Variants in BTC observed in about 807,000 individuals in gnomAD.
BTC encodes the protein probetacellulin.
A neutral mutation model predicts 18.1 loss-of-function variants in BTC; 13 were observed. The ratio of observed to expected loss-of-function variants is 0.72; its 90% CI spans 0.47 to 1.14. BTC has a LOEUF of 1.14. BTC is among the 50% of genes most tolerant of loss of function. BTC has a pLI of 0.00. For synonymous variants in BTC, 83 were observed against 79.4 expected, an observed-to-expected ratio of 1.05 and a Z score of -0.24; for missense variants, 247 against 224.2, an observed-to-expected ratio of 1.10 and a Z score of -0.65.
intron 3 of BTC, among the ~76,000 whole-genome samples, chr4:74,752,986 C>A (rs782541895): frequency 6.6e-6 from 1 of 152,162 alleles, no homozygotes; most frequent in Non-Finnish European, 1.5e-5. Context: ...AAAGGTCAAA[C>A]CTTAACATAG....
chr4:74,777,580 T>C (rs76451415), intron 1 of BTC, among the ~76,000 whole-genome samples: 8,065 of 152,236 alleles, frequency 0.053, 342 homozygotes, highest in Admixed American at 0.12. Flanking sequence ...GACAAAACTA[T>C]ATTTTGGCCT....
intron 2 of BTC, among the ~76,000 whole-genome samples, chr4:74,762,143 A>C (rs1724775192): frequency 6.6e-6 from 1 of 152,160 alleles, no homozygotes; most frequent in African/African-American, 2.4e-5. Flanking sequence ...ATTTTTCAAG[A>C]ACCCACTGTT....
chr4:74,793,779 C>T (rs2109927345), intron 1 of BTC, among the ~76,000 whole-genome samples: 1 of 152,020 alleles, frequency 6.6e-6, no homozygotes, highest in East Asian at 1.9e-4. Flanking sequence ...GGTGATCACA[C>T]CTTCAGTCAA....
At chr4:74,780,367 T>A (rs1164225341) in intron 1 of BTC, among the ~76,000 whole-genome samples, 1 of 152,194 alleles carries the variant, frequency 6.6e-6, no homozygotes, top group Admixed American at 6.6e-5. Flanking sequence ...AGGTGTGTAT[T>A]CTTCGTTATG....
intron 1 of BTC, among the ~76,000 whole-genome samples, chr4:74,783,014 G>A (rs973376482): frequency 1.3e-5 from 2 of 152,046 alleles, no homozygotes. Flanking sequence ...TTGTCAGATT[G>A]ATAGATTGCA....
rs782738076 is a variant in BTC, at chr4:74,747,984, C to T, written c.*1+56G>A. ...TTTAGTAGATGCAAGTAAGCCCAAT[C>T]TAACCAGTTAAATGTCACCTGAATA... On this transcript the variant is annotated intron_variant, in intron 5 of 5. Transcript: ENST00000395743. 14 of 912,646 alleles carry T rather than the reference C, an allele frequency of 1.5e-5. No individual in the cohort carries two copies. In the East Asian group the frequency reaches 3.8e-4, roughly 25 times the overall value. The allele number at this position is 912,646 out of a possible 1,614,324, so 56.5% of individuals were successfully genotyped here.
intron 3 of BTC, among the ~76,000 whole-genome samples, chr4:74,754,835 T>A (rs936333522): frequency 6.6e-6 from 1 of 152,072 alleles, no homozygotes; most frequent in Admixed American, 6.6e-5. Context: ...ATTAGGGAAA[T>A]GTATTGGGTT....
intron 1 of BTC, among the ~76,000 whole-genome samples, chr4:74,781,379 C>T (rs1032605243): frequency 2.9e-4 from 37 of 128,612 alleles, no homozygotes; most frequent in Non-Finnish European, 5.2e-4. Flanking sequence ...TCTATTCTCT[C>T]GTCACGTGTG....
intron 4 of BTC, among the ~76,000 whole-genome samples, chr4:74,749,677 TAG>T (rs1164366746): frequency 1.8e-3 from 175 of 97,558 alleles, no homozygotes; most frequent in African/African-American, 5.2e-3. Context: ...TTTAATAAGA[TAG>T]TTTTTTTTGT....
chr4:74,748,233 G>T, intron 4 of BTC, 84 bp from the exon 5 acceptor site: 1 of 873,844 alleles, frequency 1.1e-6, no homozygotes, highest in Non-Finnish European at 1.8e-6. Flanking sequence ...CCTATGATCA[G>T]GTTTCTTTTT....
intron 1 of BTC, among the ~76,000 whole-genome samples, chr4:74,786,569 T>G (rs1457049050): frequency 6.6e-6 from 1 of 152,188 alleles, no homozygotes; most frequent in Non-Finnish European, 1.5e-5. Context: ...AATACAACAA[T>G]TTGATTACTC....
intron 3 of BTC, among the ~76,000 whole-genome samples, chr4:74,755,192 G>C (rs1553956546): frequency 6.6e-6 from 1 of 152,084 alleles, no homozygotes; most frequent in South Asian, 2.1e-4. Flanking sequence ...AACATTCTAT[G>C]AACTTTAAGT....
intron 4 of BTC, 103 bp from the exon 5 acceptor site, chr4:74,748,252 A>G (rs550170765): frequency 1.4e-6 from 1 of 708,850 alleles, no homozygotes; most frequent in Non-Finnish European, 2.3e-6. Context: ...TTTTAAAAAA[A>G]TATTTAGGGT....
At chr4:74,778,996 C>T (rs527854108) in intron 1 of BTC, among the ~76,000 whole-genome samples, 3 of 152,234 alleles carry the variant, frequency 2.0e-5, no homozygotes, top group Non-Finnish European at 4.4e-5. Flanking sequence ...AACTGAAAGA[C>T]AGGCTTCTGG....
chr4:74,750,762 T>C, intron 3 of BTC, 43 bp from the exon 4 acceptor site: 1 of 1,590,576 alleles, frequency 6.3e-7, no homozygotes, highest in Non-Finnish European at 8.5e-7. Flanking sequence ...CTTGCAAGAC[T>C]TTTAAGAATC....
At chr4:74,783,334 C>A (rs140857348) in intron 1 of BTC, among the ~76,000 whole-genome samples, 4 of 152,120 alleles carry the variant, frequency 2.6e-5, no homozygotes, top group African/African-American at 7.2e-5. Flanking sequence ...CCAGTTCTCT[C>A]GGCACCGTTT....
At chr4:74,780,908 T>TA (rs1725300510) in intron 1 of BTC, among the ~76,000 whole-genome samples, 1 of 150,882 alleles carries the variant, frequency 6.6e-6, no homozygotes, top group African/African-American at 2.5e-5. Flanking sequence ...TTTTTTTTTT[T>TA]TAATTTTATT....
chr4:74,753,727 C>T (rs1468763941), intron 3 of BTC, among the ~76,000 whole-genome samples: 1 of 152,092 alleles, frequency 6.6e-6, no homozygotes, highest in Non-Finnish European at 1.5e-5. Flanking sequence ...ATCTACCACT[C>T]ATCTCATAGC....
Position 74,794,511 on chromosome 4 carries a change from C to G in BTC, c.-186G>C, listed in dbSNP as rs757568571. On this transcript the variant is annotated 5_prime_UTR_variant, in exon 1 of 6. Transcript: ENST00000395743. ...GAAACACCCAGGGCGGGAGGCCGGC[C>G]GGCTCCGTGAATGTCGCCGGGAGGA... The G allele has an allele frequency of 1.5e-6, 1 of 649,658 alleles. No homozygotes were observed. The highest frequency in any genetic ancestry group is 2.5e-6 in the Non-Finnish European group (1 of 393,470). 40.2% of individuals were successfully genotyped at this position (649,658 alleles called of 1,614,324 possible). A position where few individuals can be genotyped will look rare whatever the true frequency, so the allele number is the denominator to read the frequency against.
Sources: gnomAD v4.1 joint callset for allele counts (sites outside exome capture counted in the v4.1 genomes callset) on GRCh38, gnomAD v4.1.1 for gene constraint, MANE v1.5 for transcripts, NCBI Gene and HGNC (gene_info 2026-07-23, HGNC 2026-07-21) for gene names.